NXPE2: variants seen among roughly 807,000 people sequenced by gnomAD.
The protein encoded by NXPE2 is neurexophilin and PC-esterase domain family member 2.
NXPE2 carries 34 observed loss-of-function variants against 34.4 expected under a neutral mutation model. That is an observed-to-expected ratio of 0.99 (90% confidence interval 0.75 to 1.31). NXPE2 has a LOEUF of 1.31. Among genes scored for constraint, NXPE2 ranks in the 40% most tolerant of loss-of-function variants. NXPE2 has a pLI of 0.00. For missense variants in NXPE2, 649 were observed against 672.5 expected, an observed-to-expected ratio of 0.97 and a Z score of 0.39; for synonymous variants, 235 against 231.3, an observed-to-expected ratio of 1.02 and a Z score of -0.15.
the NXPE2 span, chr11:114,529,578 A>T: frequency 6.6e-6 from 1 of 152,634 alleles, no homozygotes; most frequent in South Asian, 2.1e-4. Context: ...TGCAGGAATC[A>T]CTAGGTCACA....
At chr11:114,526,276 A>G in the NXPE2 span, among the ~76,000 whole-genome samples, 1 of 152,210 alleles carries the variant, frequency 6.6e-6, no homozygotes, top group Non-Finnish European at 1.5e-5. Context: ...ACAGACTATA[A>G]GATGATATAT....
intron 4 of NXPE2, among the ~76,000 whole-genome samples, chr11:114,704,933 C>A (rs1019986592): frequency 6.6e-6 from 1 of 152,190 alleles, no homozygotes; most frequent in African/African-American, 2.4e-5. Flanking sequence ...TAAAGTCAGG[C>A]AGTTTCTTGG....
the NXPE2 span, among the ~76,000 whole-genome samples, chr11:114,764,427 TAA>T: frequency 0.49 from 73,673 of 149,956 alleles, 18,341 homozygotes; most frequent in South Asian, 0.6. Flanking sequence ...TAGTTTTCTT[TAA>T]AAAAAAAAAA....
the NXPE2 span, among the ~76,000 whole-genome samples, chr11:114,599,636 G>A: frequency 2.6e-5 from 4 of 152,134 alleles, no homozygotes; most frequent in African/African-American, 9.7e-5. Flanking sequence ...GCCTCAGGGA[G>A]CTTTTACTCA....
upstream of NXPE2, among the ~76,000 whole-genome samples, chr11:114,676,506 A>G (rs58802867): frequency 0.14 from 21,904 of 152,044 alleles, 1,945 homozygotes; most frequent in East Asian, 0.38. Context: ...TATATGAAAA[A>G]AATGTCAAGC....
At chr11:114,731,542 A>T in the NXPE2 span, among the ~76,000 whole-genome samples, 3 of 152,206 alleles carry the variant, frequency 2.0e-5, no homozygotes, top group Non-Finnish European at 1.5e-5. Context: ...GTACTCAGCA[A>T]TAAAAAGGAA....
the NXPE2 span, among the ~76,000 whole-genome samples, chr11:114,639,709 T>C: frequency 1.1e-4 from 15 of 133,406 alleles, no homozygotes; most frequent in South Asian, 3.1e-3. Context: ...ATATATTCTA[T>C]AATATATAAT....
At chr11:114,650,990 A>G in the NXPE2 span, among the ~76,000 whole-genome samples, 1 of 152,172 alleles carries the variant, frequency 6.6e-6, no homozygotes, top group Admixed American at 6.6e-5. Context: ...CTTGCAACTC[A>G]GCCCCCACCC....
At chr11:114,491,872 A>T in the NXPE2 span, among the ~76,000 whole-genome samples, 1 of 152,220 alleles carries the variant, frequency 6.6e-6, no homozygotes, top group East Asian at 1.9e-4. Context: ...ACATGGATGA[A>T]GCTGGAAACC....
chr11:114,571,855 T>C, the NXPE2 span, among the ~76,000 whole-genome samples: 1 of 152,194 alleles, frequency 6.6e-6, no homozygotes, highest in Non-Finnish European at 1.5e-5. Context: ...GCTGAAAAAC[T>C]GTGTCCCTAG....
the NXPE2 span, among the ~76,000 whole-genome samples, chr11:114,601,868 T>C: frequency 2.5e-4 from 1 of 3,986 alleles, no homozygotes; most frequent in Non-Finnish European, 3.3e-4. Flanking sequence ...TATACAATTA[T>C]ATATATTATA....
the NXPE2 span, chr11:114,582,524 G>T: frequency 6.2e-7 from 1 of 1,614,146 alleles, no homozygotes; most frequent in East Asian, 2.2e-5. Context: ...CCCTGTCATA[G>T]CCTTGGTTCC....
rs61693681 is a variant in NXPE2, at chr11:114,706,085, A to ATTTATTTTAT, written c.1144+114_1144+123dup. 8.9e-3 allele frequency: 3,388 copies of ATTTATTTTAT among 382,242 alleles called. 52 individuals are homozygous for ATTTATTTTAT. The highest frequency in any genetic ancestry group is 0.035 in the African/African-American group (1,635 of 47,270). The allele number at this position is 382,242 out of a possible 1,614,324, so 23.7% of individuals were successfully genotyped here. On this transcript the variant is annotated intron_variant, in intron 5 of 5. Coordinates refer to ENST00000389586, the MANE Select transcript of NXPE2 (RefSeq NM_182495.6). The stretch of plus-strand genomic sequence containing the variant: ...GAATTATTTGCTTTTCTTTTCTAAT[A>ATTTATTTTAT]TTTATTTTATTTTATTTTATTTTAT...
intron 3 of NXPE2, among the ~76,000 whole-genome samples, chr11:114,699,139 T>A (rs1381022737): frequency 1.3e-5 from 2 of 152,218 alleles, no homozygotes; most frequent in African/African-American, 2.4e-5. Flanking sequence ...AAGTGGTGAA[T>A]GATATCATTG....
At chr11:114,760,122 A>G in the NXPE2 span, among the ~76,000 whole-genome samples, 1 of 152,042 alleles carries the variant, frequency 6.6e-6, no homozygotes, top group African/African-American at 2.4e-5. Flanking sequence ...CTGCACATTC[A>G]CATATTGAAA....
chr11:114,517,683 A>G, the NXPE2 span, among the ~76,000 whole-genome samples: 1 of 152,224 alleles, frequency 6.6e-6, no homozygotes, highest in African/African-American at 2.4e-5. Flanking sequence ...ACAGCTGTGC[A>G]TCTCCATGAA....
chr11:114,669,560 T>C, the NXPE2 span, among the ~76,000 whole-genome samples: 1 of 152,074 alleles, frequency 6.6e-6, no homozygotes, highest in Admixed American at 6.6e-5. Flanking sequence ...CAGAAGCACT[T>C]TTCTAGGTTT....
the NXPE2 span, among the ~76,000 whole-genome samples, chr11:114,598,273 G>T: frequency 8.1e-5 from 2 of 24,574 alleles, no homozygotes; most frequent in Non-Finnish European, 1.7e-4. Flanking sequence ...GACCTGGGCA[G>T]CTCTGCCCCT....
the NXPE2 span, among the ~76,000 whole-genome samples, chr11:114,621,519 G>A: frequency 6.6e-6 from 1 of 152,176 alleles, no homozygotes; most frequent in South Asian, 2.1e-4. Flanking sequence ...ATTGCCTCGT[G>A]TGTAACCACT....
Sources: allele counts gnomAD v4.1 joint callset (sites outside exome capture counted in the v4.1 genomes callset), GRCh38; gene constraint gnomAD v4.1.1; transcripts MANE v1.5; gene names NCBI Gene and HGNC (gene_info 2026-07-23, HGNC 2026-07-21).